Variants in GATA1 observed in about 807,000 individuals in gnomAD.
The protein encoded by GATA1 is erythroid transcription factor.
A neutral mutation model predicts 18.9 loss-of-function variants in GATA1; 2 were observed. That is an observed-to-expected ratio of 0.11 (90% CI 0.04 to 0.33). The LOEUF (loss-of-function observed/expected upper bound fraction) is 0.33. Ranked by LOEUF, GATA1 falls within the 10% of genes least tolerant of loss-of-function variation. The pLI is 1.00. For synonymous variants in GATA1, 152 were observed against 149.1 expected (o/e 1.02, Z -0.14); for missense variants, 272 against 344.7 (o/e 0.79, Z 1.67).
At position 48,793,231 on chromosome X, in the gene GATA1, G is replaced by A. The variant is rs2062679998; in HGVS notation, c.804G>A (p.Leu268=). The change falls in exon 5 of 6, where the codon CTG becomes CTA. Residue 268 remains leucine, a synonymous_variant. Coordinates refer to ENST00000376670, the MANE Select transcript of GATA1 (RefSeq NM_002049.4). The stretch of plus-strand genomic sequence containing the variant: ...ACTGCCAGACGACCACCACGACACT[G>A]TGGCGGAGAAATGCCAGTGGGGATC... ...CTNCQTTTTT[L]WRRNASGDPV... 1 of 1,207,234 alleles carries A rather than the reference G, an allele frequency of 8.3e-7. No individual in the cohort carries two copies. Among genetic ancestry groups the A allele is most frequent in the African/African-American group, 1.8e-5 (1 of 56,409 alleles).
Position 48,793,782 on chromosome X carries a change from C to T in GATA1, c.871-11C>T, listed in dbSNP as rs2062681926. The T allele has an allele frequency of 3.3e-6, 4 of 1,208,510 alleles. No individual in the cohort carries two copies. The highest frequency in any genetic ancestry group is 4.5e-6 in the Non-Finnish European group (4 of 894,750). On this transcript the variant is annotated splice_polypyrimidine_tract_variant and intron_variant, in intron 5 of 5. Transcript: ENST00000376670. ...TGGAGTTGGGGACACCCGCAGCCTC[C>T]TTTTTGGCAGGTGAACCGGCCACTG... is the stretch of plus-strand genomic sequence containing the variant.
At chrX:48,790,785 C>G (rs1557019909) in intron 1 of GATA1, among the ~76,000 whole-genome samples, 1 of 95,862 alleles carries the variant, frequency 1.0e-5, no homozygotes, top group African/African-American at 3.9e-5. Context: ...GGAGGAAGAG[C>G]GAGAGGAGGG....
chrX:48,792,618 T>C, intron 4 of GATA1, 150 bp downstream of exon 4: 2 of 709,576 alleles, frequency 2.8e-6, no homozygotes, highest in Non-Finnish European at 4.3e-6. Context: ...CCTGTCCCAA[T>C]ATCACATGGA....
At chrX:48,792,918 C>CA (rs1219318357) in intron 4 of GATA1, among the ~76,000 whole-genome samples, 11 of 111,763 alleles carry the variant, frequency 9.8e-5, no homozygotes, top group African/African-American at 3.6e-4. Context: ...TTTAGCTCCC[C>CA]AAGTGATTCC....
intron 1 of GATA1, among the ~76,000 whole-genome samples, chrX:48,788,250 G>C (rs189368080): frequency 5.2e-4 from 57 of 110,291 alleles, no homozygotes; most frequent in Admixed American, 7.7e-4. Context: ...GGAAGAGAGA[G>C]ACAGAGACAC....
intron 5 of GATA1, 93 bp from the exon 6 acceptor site, chrX:48,793,700 C>T (rs782607748): frequency 2.7e-6 from 3 of 1,125,216 alleles, no homozygotes; most frequent in South Asian, 3.8e-5. Flanking sequence ...AATTATCTTA[C>T]CCTGAAAGAA....
chrX:48,791,132 C>A lies in GATA1; in HGVS notation c.23C>A (p.Ser8Tyr). The change falls in exon 2 of 6, where the codon TCC (serine) becomes TAC (tyrosine). Residue 8 changes from serine (S) to tyrosine (Y), a missense_variant. Ser to Tyr is a moderately radical substitution (Grantham distance 144). Around this residue, in one of 3 missense-constraint regions of GATA1, gnomAD observed 147 missense variants for 157.4 expected, o/e 0.93. Transcript: ENST00000376670. Reference protein sequence around the residue: MEFPGLGSLGTSEPLPQF... With the variant: MEFPGLGYLGTSEPLPQF... ...TCCATGGAGTTCCCTGGCCTGGGGT[C>A]CCTGGGGACCTCAGAGCCCCTCCCC... The A allele has an allele frequency of 8.3e-7, 1 of 1,208,539 alleles. No individual in the cohort carries two copies. Among genetic ancestry groups the A allele is most frequent in the Non-Finnish European group, 1.1e-6 (1 of 893,602 alleles).
chrX:48,787,866 G>C (rs925230814), intron 1 of GATA1, among the ~76,000 whole-genome samples: 21 of 112,051 alleles, frequency 1.9e-4, no homozygotes, highest in Non-Finnish European at 3.8e-4. Context: ...GGCTGGGATT[G>C]GAACGTTACC....
chrX:48,790,738 T>G (rs1602218486), intron 1 of GATA1, among the ~76,000 whole-genome samples: 2 of 87,406 alleles, frequency 2.3e-5, no homozygotes, highest in African/African-American at 4.4e-5. Context: ...AGAGAGAGAA[T>G]GGAAGGAAGA....
At chrX:48,788,736 C>T (rs1238548670) in intron 1 of GATA1, among the ~76,000 whole-genome samples, 6 of 111,544 alleles carry the variant, frequency 5.4e-5, no homozygotes, top group African/African-American at 2.0e-4. Flanking sequence ...ACAATAGGGC[C>T]AGGGCCAGCA....
At position 48,793,963 on chromosome X, in the gene GATA1, G is replaced by A. The variant is rs1412419664; in HGVS notation, c.1041G>A (p.Gly347=). ...VAGGSGSGNC[G]EVASGLTLGP... Reference sequence around the variant, plus strand: ...GGGGCAGCGGTAGCGGGAATTGTGGGGAGGTGGCTTCAGGCCTGACACTGG... The same window carrying A: ...GGGGCAGCGGTAGCGGGAATTGTGGAGAGGTGGCTTCAGGCCTGACACTGG... The change falls in exon 6 of 6, where the codon GGG becomes GGA. Residue 347 remains glycine, a synonymous_variant. Coordinates refer to ENST00000376670, the MANE Select transcript of GATA1 (RefSeq NM_002049.4). 4 of 1,203,162 alleles carry A rather than the reference G, an allele frequency of 3.3e-6. No homozygotes were observed. In the African/African-American group the frequency reaches 7.0e-5, roughly 21 times the overall value.
chrX:48,787,436 A>C lies in GATA1; in HGVS notation c.-20+791A>C, dbSNP rs1357475852. The stretch of plus-strand genomic sequence containing the variant: ...TACTCCAATTCTATCTTGGCTTCTC[A>C]AACTCCCCTTTACTAGCCACATTCT... On this transcript the variant is annotated intron_variant, in intron 1 of 5. Transcript: ENST00000376670. Among the ~76,000 whole-genome samples, 4 of 110,231 alleles carry C rather than the reference A, an allele frequency of 3.6e-5. No homozygotes were observed. In the Admixed American group the frequency reaches 3.9e-4, roughly 11 times the overall value.
chrX:48,789,295 A>G (rs1372010821), intron 1 of GATA1, among the ~76,000 whole-genome samples: 38 of 103,727 alleles, frequency 3.7e-4, no homozygotes, highest in African/African-American at 3.5e-5. Context: ...TGACAGAGTG[A>G]GACTCCGTCT....
At chrX:48,793,653 C>T (rs782384776) in intron 5 of GATA1, 140 bp from the exon 6 acceptor site, 22 of 939,408 alleles carry the variant, frequency 2.3e-5, no homozygotes, top group Non-Finnish European at 3.3e-5. Context: ...CAGGGCCTCA[C>T]AGCCTCAGGA....
rs2062664726 is a variant in GATA1 at position 48,788,551 on chromosome X, C to T, written c.-20+1906C>T. On this transcript the variant is annotated intron_variant, in intron 1 of 5. Transcript: ENST00000376670. ...CACCCTGGGGCTGAGAAGGTGTTGG[C>T]GGTGGGCACACTTGTGGCCCATCTC... 4.5e-5 allele frequency among the ~76,000 whole-genome samples: 5 copies of T among 111,449 alleles called. 1 individual carries two copies. The Admixed American group carries it at 4.7e-4, about 11-fold the overall frequency.
chrX:48,793,712 T>C (rs1252967103), intron 5 of GATA1, 81 bp from the exon 6 acceptor site: 31 of 1,151,307 alleles, frequency 2.7e-5, no homozygotes, highest in Non-Finnish European at 3.3e-5. Flanking sequence ...CTGAAAGAAG[T>C]GGGGTAGAGA....
At chrX:48,789,273 C>T (rs1462626439) in intron 1 of GATA1, among the ~76,000 whole-genome samples, 44 of 102,492 alleles carry the variant, frequency 4.3e-4, no homozygotes, top group Non-Finnish European at 7.5e-4. Flanking sequence ...CACCACTGCA[C>T]ACCAGCCTGG....
intron 4 of GATA1, 86 bp from the exon 5 acceptor site, chrX:48,793,086 T>C: frequency 2.8e-6 from 3 of 1,074,408 alleles, no homozygotes; most frequent in Non-Finnish European, 3.9e-6. Flanking sequence ...CCCTCACTTC[T>C]TGGGTCCTCC....
chrX:48,794,215 A>G lies in GATA1; in HGVS notation c.*51A>G, dbSNP rs782494873. The G allele has an allele frequency of 1.0e-5, 12 of 1,189,523 alleles. No homozygotes were observed. The South Asian group carries it at 2.2e-4, about 22-fold the overall frequency. On this transcript the variant is annotated 3_prime_UTR_variant, in exon 6 of 6. Coordinates refer to ENST00000376670, the MANE Select transcript of GATA1 (RefSeq NM_002049.4). ...AGGGGTGGTGTCCTTCTCCTCTTGT[A>G]GCCAGAATTCTGGACAACCCAAGTC...
Sources: gnomAD v4.1 joint callset for allele counts (sites outside exome capture counted in the v4.1 genomes callset) on GRCh38, gnomAD v4.1.1 for gene constraint, gnomAD v4.1.1 regional missense constraint, MANE v1.5 for transcripts, NCBI Gene and HGNC (gene_info 2026-07-23, HGNC 2026-07-21) for gene names.